The following CADPS variants were observed in gnomAD, a reference collection of about 807,000 sequenced individuals.
CADPS encodes calcium-dependent secretion activator 1.
Under a neutral mutation model 167.3 loss-of-function variants are expected in CADPS, and 57 were observed. The observed-to-expected ratio is 0.34, with a 90% confidence interval of 0.28 to 0.42. The LOEUF (loss-of-function observed/expected upper bound fraction) is 0.42. CADPS is among the 20% of genes least tolerant of loss of function. The probability of loss-of-function intolerance (pLI) is 1.00; values close to 1 mark genes in which losing one functional copy is unlikely to be tolerated. For synonymous variants in CADPS, 676 were observed against 635.3 expected (o/e 1.06, Z -0.96); for missense variants, 1,414 against 1,738.1 (o/e 0.81, Z 3.32).
chr3:62,725,173 CTAG>C (rs59495815), intron 3 of CADPS, among the ~76,000 whole-genome samples: 34,166 of 152,116 alleles, frequency 0.22, 4,083 homozygotes, highest in African/African-American at 0.3. Context: ...AATCTAAAAT[CTAG>C]TAGAACTGTC....
chr3:62,745,711 T>C (rs1199077653), intron 3 of CADPS, among the ~76,000 whole-genome samples: 2 of 152,154 alleles, frequency 1.3e-5, no homozygotes, highest in African/African-American at 4.8e-5. Context: ...CAGAAAAAAA[T>C]GACCAAACAT....
chr3:62,498,275 C>A, intron 18 of CADPS: 2 of 419,766 alleles, frequency 4.8e-6, no homozygotes, highest in South Asian at 1.7e-5. Flanking sequence ...TTTAACTATA[C>A]TGGCAATTTC....
chr3:62,695,361 A>G (rs907727754), intron 3 of CADPS, among the ~76,000 whole-genome samples: 1 of 152,120 alleles, frequency 6.6e-6, no homozygotes, highest in Non-Finnish European at 1.5e-5. Flanking sequence ...GAGATCGCTG[A>G]CAGAGAGCCA....
chr3:62,444,207 C>T lies in CADPS; in HGVS notation c.3669+1558G>A, dbSNP rs561313378. On this transcript the variant is annotated intron_variant, in intron 27 of 29. Transcript: ENST00000383710. Reference sequence around the variant, plus strand: ...GCTACCAAATCTTTGGGTCGAAAGCCGAGAATTTCAATTTCTATCACTGTT... The same window carrying T: ...GCTACCAAATCTTTGGGTCGAAAGCTGAGAATTTCAATTTCTATCACTGTT... Among the ~76,000 whole-genome samples the T allele has an allele frequency of 9.9e-5, 15 of 152,228 alleles. 1 individual carries two copies. The Middle Eastern group carries it at 0.017, about 173-fold the overall frequency.
chr3:62,616,298 C>G (rs992733385), intron 6 of CADPS, among the ~76,000 whole-genome samples: 1 of 151,610 alleles, frequency 6.6e-6, no homozygotes, highest in Non-Finnish European at 1.5e-5. Flanking sequence ...ATTAGACAGA[C>G]TTTTTTTTTC....
At position 62,491,546 on chromosome 3, in the gene CADPS, C is replaced by CACACACACAA. The variant is rs1308265692; in HGVS notation, c.2885-67_2885-66insTTGTGTGTGT. 45 of 1,119,924 alleles carry CACACACACAA rather than the reference C, an allele frequency of 4.0e-5. No homozygotes were observed. In the African/African-American group the frequency reaches 4.4e-4, roughly 11 times the overall value. The allele number at this position is 1,119,924 out of a possible 1,614,324, so 69.4% of individuals were successfully genotyped here. On this transcript the variant is annotated intron_variant, in intron 20 of 29. Transcript: ENST00000383710. Reference sequence around the variant, plus strand: ...ACTTTATCAACGTACAACACACACACACACACACACAAACACACACACACA... The same window carrying CACACACACAA: ...ACTTTATCAACGTACAACACACACACACACACACAAACACACACACAAACACACACACACA...
At chr3:62,728,060 A>G (rs535320069) in intron 3 of CADPS, among the ~76,000 whole-genome samples, 21 of 151,868 alleles carry the variant, frequency 1.4e-4, no homozygotes, top group African/African-American at 4.6e-4. Context: ...TGGTACTGTT[A>G]TTTTTCAAGT....
Position 62,798,470 on chromosome 3 carries a change from G to A in CADPS, c.442-32486C>T, listed in dbSNP as rs115507272. Among the ~76,000 whole-genome samples the A allele has an allele frequency of 9.7e-3, 1,477 of 152,172 alleles. 25 individuals carry two copies. The highest frequency in any genetic ancestry group is 0.033 in the African/African-American group (1,375 of 41,522). ...GCACTGTTGGCTTATCTACTTTTGA[G>A]GTTTTTGGGACTTGGACTGGCTTCC... On this transcript the variant is annotated intron_variant, in intron 1 of 29. Coordinates refer to ENST00000383710, the MANE Select transcript of CADPS (RefSeq NM_003716.4).
intron 5 of CADPS, among the ~76,000 whole-genome samples, chr3:62,648,905 T>C (rs193205125): frequency 9.3e-4 from 141 of 152,134 alleles, no homozygotes; most frequent in African/African-American, 3.2e-3. Context: ...TCTGTGAAAT[T>C]ACACGGATGA....
chr3:62,627,383 T>G (rs541763555), intron 6 of CADPS, among the ~76,000 whole-genome samples: 1 of 152,250 alleles, frequency 6.6e-6, no homozygotes, highest in South Asian at 2.1e-4. Context: ...TCTATAAAAA[T>G]AAACATAATG....
At chr3:62,716,148 C>T (rs981243897) in intron 3 of CADPS, among the ~76,000 whole-genome samples, 1 of 152,150 alleles carries the variant, frequency 6.6e-6, no homozygotes, top group African/African-American at 2.4e-5. Context: ...CAACCTTTGC[C>T]TCTTGGGTTC....
intron 6 of CADPS, among the ~76,000 whole-genome samples, chr3:62,637,946 G>A (rs1040342739): frequency 1.3e-5 from 2 of 151,916 alleles, no homozygotes; most frequent in Non-Finnish European, 2.9e-5. Context: ...CTGAATCAAC[G>A]TTAATGATCA....
chr3:62,872,754 A>T (rs535419842), intron 1 of CADPS, among the ~76,000 whole-genome samples: 1 of 152,294 alleles, frequency 6.6e-6, no homozygotes, highest in South Asian at 2.1e-4. Context: ...TCTGGACTTA[A>T]GCAACTATTT....
At chr3:62,861,485 C>T (rs1039856633) in intron 1 of CADPS, among the ~76,000 whole-genome samples, 4 of 152,110 alleles carry the variant, frequency 2.6e-5, no homozygotes, top group African/African-American at 9.7e-5. Flanking sequence ...TACATATAGG[C>T]ATTGATTTTC....
chr3:62,452,087 G>A (rs2058130548), intron 26 of CADPS, among the ~76,000 whole-genome samples: 1 of 152,166 alleles, frequency 6.6e-6, no homozygotes, highest in Non-Finnish European at 1.5e-5. Flanking sequence ...TCTTTACTCA[G>A]TACCCAGGGC....
At chr3:62,445,884 A>G in intron 26 of CADPS, 87 bp from the exon 27 acceptor site, 1 of 887,046 alleles carries the variant, frequency 1.1e-6, no homozygotes, top group Non-Finnish European at 1.6e-6. Context: ...TCAGAATCAA[A>G]ACAACATGCT....
intron 24 of CADPS, among the ~76,000 whole-genome samples, chr3:62,473,176 C>T (rs1047121484): frequency 2.7e-5 from 4 of 146,640 alleles, no homozygotes; most frequent in African/African-American, 1.0e-4. Flanking sequence ...AACTTAATCC[C>T]CAGGAAAAGG....
At chr3:62,821,300 G>A (rs1428040365) in intron 1 of CADPS, among the ~76,000 whole-genome samples, 1 of 151,446 alleles carries the variant, frequency 6.6e-6, no homozygotes, top group African/African-American at 2.4e-5. Flanking sequence ...CTCTGCTTTA[G>A]AGTCTCTGTG....
At chr3:62,821,513 C>A (rs972134077) in intron 1 of CADPS, among the ~76,000 whole-genome samples, 6 of 152,158 alleles carry the variant, frequency 3.9e-5, no homozygotes, top group Non-Finnish European at 8.8e-5. Flanking sequence ...CTTGCAGTAG[C>A]ACATCTCCAG....
Sources: allele counts gnomAD v4.1 joint callset (sites outside exome capture counted in the v4.1 genomes callset), GRCh38; gene constraint gnomAD v4.1.1; transcripts MANE v1.5; gene names NCBI Gene and HGNC (gene_info 2026-07-23, HGNC 2026-07-21).